LRRC2: variants seen among roughly 807,000 people sequenced by gnomAD.
LRRC2 encodes the protein leucine-rich repeat-containing protein 2.
In LRRC2, 27 loss-of-function variants were observed where a neutral mutation model predicts 40.2. The ratio of observed to expected loss-of-function variants is 0.67; its 90% CI spans 0.49 to 0.93. The LOEUF (loss-of-function observed/expected upper bound fraction) is 0.93. Ranked by LOEUF, LRRC2 falls within the 40% of genes least tolerant of loss-of-function variation. The pLI is 0.00. For missense variants in LRRC2, 402 were observed against 439.6 expected (o/e 0.91, Z 0.76); for synonymous variants, 147 against 158.9 (o/e 0.92, Z 0.56).
intron 1 of LRRC2, among the ~76,000 whole-genome samples, chr3:46,556,292 T>G (rs1704791909): frequency 6.6e-6 from 1 of 151,910 alleles, no homozygotes; most frequent in African/African-American, 2.4e-5. Context: ...GCTAATTTTT[T>G]TAAAAAAATA....
chr3:46,552,530 G>A (rs553340881), intron 1 of LRRC2, among the ~76,000 whole-genome samples: 3 of 151,998 alleles, frequency 2.0e-5, no homozygotes, highest in East Asian at 1.9e-4. Context: ...ACTTTCTTCC[G>A]TAACCCATCA....
chr3:46,550,447 G>T (rs1400015687), intron 2 of LRRC2, among the ~76,000 whole-genome samples: 2 of 122,660 alleles, frequency 1.6e-5, no homozygotes, highest in African/African-American at 6.3e-5. Flanking sequence ...GCAGTGGCTT[G>T]ATCTCAGCTC....
chr3:46,538,976 C>T, intron 4 of LRRC2, 69 bp downstream of exon 4: 1 of 1,517,832 alleles, frequency 6.6e-7, no homozygotes, highest in South Asian at 1.2e-5. Flanking sequence ...TGCACAGTGT[C>T]TGTCACCTGC....
chr3:46,553,801 TTCTGACTCAA>T (rs753397275), intron 1 of LRRC2, among the ~76,000 whole-genome samples: 4 of 152,212 alleles, frequency 2.6e-5, no homozygotes, highest in Non-Finnish European at 4.4e-5. Context: ...ATATTTAATC[TTCTGACTCAA>T]GAATGTGCTC....
At chr3:46,551,359 C>G (rs1704644025) in intron 2 of LRRC2, 108 bp downstream of exon 2, 2 of 1,381,052 alleles carry the variant, frequency 1.4e-6, no homozygotes, top group Admixed American at 4.4e-5. Context: ...ATTTTACCAA[C>G]AGTGAGAAAT....
chr3:46,522,760 AACACACACACACACACACACAC>A (rs71098411), intron 7 of LRRC2, among the ~76,000 whole-genome samples: 9 of 143,436 alleles, frequency 6.3e-5, no homozygotes, highest in East Asian at 4.0e-4. Context: ...AACTACTGCT[AACACACACACACACACACACAC>A]ACACACACAC....
intron 6 of LRRC2, among the ~76,000 whole-genome samples, chr3:46,527,992 G>T (rs554215397): frequency 6.4e-4 from 97 of 152,300 alleles, no homozygotes; most frequent in Admixed American, 4.4e-3. Context: ...GCCTCCCAAA[G>T]TGTTGAGATT....
At chr3:46,544,164 A>G (rs1421194783) in intron 3 of LRRC2, among the ~76,000 whole-genome samples, 2 of 136,970 alleles carry the variant, frequency 1.5e-5, no homozygotes, top group African/African-American at 5.0e-5. Flanking sequence ...GCAGGGTAAT[A>G]GGCTCAAGCT....
intron 1 of LRRC2, chr3:46,558,433 G>A (rs1704859800): frequency 6.6e-6 from 1 of 152,214 alleles, no homozygotes; most frequent in South Asian, 2.1e-4. Flanking sequence ...TGTCAGGTCT[G>A]TTTTCAGTCT....
Position 46,521,640 on chromosome 3 carries a change from G to A in LRRC2, c.948C>T (p.Asp316=), listed in dbSNP as rs1703966374. The A allele has an allele frequency of 6.8e-6, 11 of 1,611,694 alleles. No homozygotes were observed. The highest frequency in any genetic ancestry group is 3.3e-5 in the Admixed American group (2 of 59,790). The change falls in exon 8 of 9, where the codon GAC becomes GAT. Residue 316 remains aspartate, a synonymous_variant. Transcript: ENST00000395905. ...CACATTGGGCATTATCAATAGGATT[G>A]TCCATAAGGCTTACAAATCTATTCG... is the stretch of plus-strand genomic sequence containing the variant. ...STPLKFVSLM[D]NPIDNAQCED...
chr3:46,557,214 T>C (rs1436021450), intron 1 of LRRC2, among the ~76,000 whole-genome samples: 1 of 152,152 alleles, frequency 6.6e-6, no homozygotes, highest in Non-Finnish European at 1.5e-5. Context: ...GGCCGGTCCT[T>C]GCCTTAAGTG....
intron 3 of LRRC2, among the ~76,000 whole-genome samples, chr3:46,542,124 G>A (rs1344958538): frequency 6.6e-6 from 1 of 152,008 alleles, no homozygotes; most frequent in Non-Finnish European, 1.5e-5. Flanking sequence ...GCTTGTTAGT[G>A]CTCTGGACAA....
intron 1 of LRRC2, chr3:46,557,535 A>G (rs909413113): frequency 6.6e-6 from 1 of 152,168 alleles, no homozygotes; most frequent in African/African-American, 2.4e-5. Flanking sequence ...GCTCTTCCCT[A>G]TGCCATCTCC....
chr3:46,531,151 ATTT>A lies in LRRC2; in HGVS notation c.628-1104_628-1102del, dbSNP rs11359778. On this transcript the variant is annotated intron_variant, in intron 5 of 8. Transcript: ENST00000395905. Reference sequence around the variant, plus strand: ...GAGACAATTCAACAATTATAGTTAGATTTTTTTTTTTTTTTTTGAGATGGCGTT... The same window carrying A: ...GAGACAATTCAACAATTATAGTTAGATTTTTTTTTTTTTTGAGATGGCGTT... 4.2e-4 allele frequency among the ~76,000 whole-genome samples: 59 copies of A among 138,990 alleles called. No individual in the cohort carries two copies. The South Asian group carries it at 5.7e-3, about 13-fold the overall frequency. 91.2% of individuals were successfully genotyped at this position (138,990 alleles called of 152,430 possible).
chr3:46,545,513 C>T (rs569812900), intron 2 of LRRC2, among the ~76,000 whole-genome samples: 1 of 152,292 alleles, frequency 6.6e-6, no homozygotes, highest in African/African-American at 2.4e-5. Context: ...TTATAATTTC[C>T]TTTGAAATTA....
At chr3:46,557,995 AG>A (rs1467147560) in intron 1 of LRRC2, 1 of 152,236 alleles carries the variant, frequency 6.6e-6, no homozygotes, top group Non-Finnish European at 1.5e-5. Context: ...AAGCACAGGC[AG>A]GAGTTCTTCA....
rs34694804 is a variant in LRRC2, at chr3:46,562,731, C to CTT, written c.-20+3444_-20+3445dup. On this transcript the variant is annotated intron_variant, in intron 1 of 8. Coordinates refer to ENST00000395905, the MANE Select transcript of LRRC2 (RefSeq NM_024512.5). The stretch of plus-strand genomic sequence containing the variant: ...AATCTAGAAGATCTAGAAGTTACTT[C>CTT]TTTTTTTTTTTTTTTGAGATGAAGT... Among the ~76,000 whole-genome samples, 545 of 141,908 alleles carry CTT rather than the reference C, an allele frequency of 3.8e-3. 1 individual carries two copies. Among genetic ancestry groups the CTT allele is most frequent in the African/African-American group, 0.011 (414 of 38,616 alleles). 93.1% of individuals were successfully genotyped at this position (141,908 alleles called of 152,430 possible). A position where few individuals can be genotyped will look rare whatever the true frequency, so the allele number is the denominator to read the frequency against.
chr3:46,546,809 C>T (rs1037032387), intron 2 of LRRC2, among the ~76,000 whole-genome samples: 1 of 150,968 alleles, frequency 6.6e-6, no homozygotes, highest in Non-Finnish European at 1.5e-5. Context: ...ACCTCCACCT[C>T]CCACGTTCAA....
intron 1 of LRRC2, among the ~76,000 whole-genome samples, chr3:46,565,142 T>C (rs1363694907): frequency 6.6e-6 from 1 of 152,260 alleles, no homozygotes; most frequent in African/African-American, 2.4e-5. Flanking sequence ...ATTAATTTTA[T>C]TGTAATTTGT....
Sources: allele counts gnomAD v4.1 joint callset (sites outside exome capture counted in the v4.1 genomes callset), GRCh38; gene constraint gnomAD v4.1.1; transcripts MANE v1.5; gene names NCBI Gene and HGNC (gene_info 2026-07-23, HGNC 2026-07-21).